The following IL1RAPL2 variants were observed in gnomAD, a reference collection of about 807,000 sequenced individuals.
IL1RAPL2 encodes the protein interleukin 1 receptor accessory protein like 2.
IL1RAPL2 carries 3 observed loss-of-function variants against 44.1 expected under a neutral mutation model. The observed-to-expected ratio is 0.07, with a 90% CI of 0.03 to 0.18. IL1RAPL2 has a LOEUF of 0.18. IL1RAPL2 is among the 10% of genes least tolerant of loss of function. IL1RAPL2 has a pLI of 1.00. For synonymous variants in IL1RAPL2, 181 were observed against 178.8 expected, an observed-to-expected ratio of 1.01 and a Z score of -0.10; for missense variants, 391 against 496.4, an observed-to-expected ratio of 0.79 and a Z score of 2.02.
chrX:104,585,917 G>T (rs1367299764), intron 1 of IL1RAPL2, among the ~76,000 whole-genome samples: 1 of 111,102 alleles, frequency 9.0e-6, no homozygotes, highest in Non-Finnish European at 1.9e-5. Context: ...GTATGAATGT[G>T]CCTTTGTGAT....
intron 10 of IL1RAPL2, among the ~76,000 whole-genome samples, chrX:105,757,933 AT>A (rs2038653636): frequency 9.0e-6 from 1 of 111,727 alleles, no homozygotes; most frequent in African/African-American, 3.3e-5. Context: ...TATATGAATA[AT>A]ATACTTGATT....
rs183985805 is a variant in IL1RAPL2, at chrX:105,556,345, C to T, written c.772+71958C>T. 2.6e-3 allele frequency among the ~76,000 whole-genome samples: 286 copies of T among 111,814 alleles called. 3 individuals carry two copies. The highest frequency in any genetic ancestry group is 0.024 in the Admixed American group (247 of 10,496). On this transcript the variant is annotated intron_variant, in intron 6 of 10. Coordinates refer to ENST00000372582, the MANE Select transcript of IL1RAPL2 (RefSeq NM_017416.2). ...ACCACCATTTAATGTTATTTTCCCACAGGGAAACTGAGATCCAAGAAATAA... is the reference window on the plus strand; with the variant it reads ...ACCACCATTTAATGTTATTTTCCCATAGGGAAACTGAGATCCAAGAAATAA...
intron 6 of IL1RAPL2, among the ~76,000 whole-genome samples, chrX:105,594,686 T>C (rs1353098366): frequency 8.9e-6 from 1 of 112,078 alleles, no homozygotes; most frequent in African/African-American, 3.2e-5. Context: ...TAGGTGTCCA[T>C]TGACAGTGAA....
intron 2 of IL1RAPL2, among the ~76,000 whole-genome samples, chrX:104,878,405 A>G (rs1299700093): frequency 8.9e-6 from 1 of 112,059 alleles, no homozygotes; most frequent in Non-Finnish European, 1.9e-5. Context: ...CAACAACCCA[A>G]TAAGGTATGT....
At chrX:105,501,624 AAACAAC>A (rs892283328) in intron 6 of IL1RAPL2, among the ~76,000 whole-genome samples, 14 of 110,580 alleles carry the variant, frequency 1.3e-4, no homozygotes, top group East Asian at 5.7e-4. Flanking sequence ...ACCCTCTTTC[AAACAAC>A]AACAACAACA....
intron 2 of IL1RAPL2, among the ~76,000 whole-genome samples, chrX:105,194,144 AG>A (rs2033655653): frequency 8.9e-6 from 1 of 112,266 alleles, no homozygotes; most frequent in Non-Finnish European, 1.9e-5. Flanking sequence ...CTTGAACCCT[AG>A]TTCAATAATC....
At chrX:105,419,394 C>T (rs1368180663) in intron 5 of IL1RAPL2, among the ~76,000 whole-genome samples, 1 of 111,636 alleles carries the variant, frequency 9.0e-6, no homozygotes, top group Non-Finnish European at 1.9e-5. Flanking sequence ...GTATATTTTA[C>T]AGTCACCACA....
intron 5 of IL1RAPL2, among the ~76,000 whole-genome samples, chrX:105,323,859 G>A (rs1464881694): frequency 1.9e-5 from 2 of 105,633 alleles, no homozygotes; most frequent in Non-Finnish European, 3.8e-5. Flanking sequence ...CTGGGCAACA[G>A]AGTGAGACTC....
At chrX:105,731,705 C>T (rs1480950426) in intron 7 of IL1RAPL2, among the ~76,000 whole-genome samples, 1 of 110,597 alleles carries the variant, frequency 9.0e-6, no homozygotes, top group Admixed American at 9.7e-5. Context: ...TGAAATAAGC[C>T]CTGTACTCAC....
At chrX:104,911,722 C>T (rs1447712634) in intron 2 of IL1RAPL2, among the ~76,000 whole-genome samples, 1 of 111,867 alleles carries the variant, frequency 8.9e-6, no homozygotes, top group Non-Finnish European at 1.9e-5. Context: ...CCCTGGTCTA[C>T]AAGTCCCTGC....
intron 5 of IL1RAPL2, among the ~76,000 whole-genome samples, chrX:105,473,572 C>T (rs1234080508): frequency 2.7e-5 from 3 of 112,250 alleles, no homozygotes; most frequent in African/African-American, 9.7e-5. Context: ...TTGTCATCCT[C>T]ATTACGGACT....
chrX:104,640,520 G>A (rs1203580887), intron 1 of IL1RAPL2, among the ~76,000 whole-genome samples: 1 of 111,847 alleles, frequency 8.9e-6, no homozygotes, highest in Non-Finnish European at 1.9e-5. Context: ...TGTTGCTGGA[G>A]AATAATTATG....
intron 2 of IL1RAPL2, among the ~76,000 whole-genome samples, chrX:104,948,255 G>T (rs902529634): frequency 1.0e-4 from 11 of 108,915 alleles, no homozygotes; most frequent in Admixed American, 4.0e-4. Flanking sequence ...TGTGATTTTT[G>T]CACATTGATT....
chrX:104,799,534 C>A (rs1286381599), intron 2 of IL1RAPL2, among the ~76,000 whole-genome samples: 1 of 111,648 alleles, frequency 9.0e-6, no homozygotes, highest in Non-Finnish European at 1.9e-5. Context: ...TTTCGAGAAC[C>A]ATTGATCTCC....
chrX:104,836,307 G>GT lies in IL1RAPL2; in HGVS notation c.82+177313dup, dbSNP rs938349325. ...TGGAGGAGATGGGGATGTTTAATGGGTAAAAAAAAACCCAGAAAGAGTGAA... is the reference window on the plus strand; with the variant it reads ...TGGAGGAGATGGGGATGTTTAATGGGTTAAAAAAAAACCCAGAAAGAGTGAA... On this transcript the variant is annotated intron_variant, in intron 2 of 10. Coordinates refer to ENST00000372582, the MANE Select transcript of IL1RAPL2 (RefSeq NM_017416.2). Among the ~76,000 whole-genome samples the GT allele has an allele frequency of 1.5e-3, 159 of 109,392 alleles. 1 individual carries two copies. Among genetic ancestry groups the GT allele is most frequent in the African/African-American group, 4.9e-3 (147 of 30,071 alleles). 95.0% of individuals were successfully genotyped at this position (109,392 alleles called of 115,157 possible).
chrX:104,958,450 G>T (rs1293639106), intron 2 of IL1RAPL2, among the ~76,000 whole-genome samples: 1 of 106,523 alleles, frequency 9.4e-6, no homozygotes, highest in Non-Finnish European at 1.9e-5. Context: ...TTTCTGGGTT[G>T]CTGCTTAGGT....
At chrX:104,819,548 A>T (rs1238822854) in intron 2 of IL1RAPL2, among the ~76,000 whole-genome samples, 1 of 111,931 alleles carries the variant, frequency 8.9e-6, no homozygotes, top group Non-Finnish European at 1.9e-5. Context: ...AAGATAAGGT[A>T]CTTTTATTTT....
intron 2 of IL1RAPL2, among the ~76,000 whole-genome samples, chrX:105,161,642 A>T (rs752872620): frequency 8.9e-6 from 1 of 111,930 alleles, no homozygotes; most frequent in South Asian, 3.7e-4. Flanking sequence ...AATCTGCAGT[A>T]TAAAATCATT....
At chrX:105,440,190 A>T (rs1465036424) in intron 5 of IL1RAPL2, among the ~76,000 whole-genome samples, 1 of 112,021 alleles carries the variant, frequency 8.9e-6, no homozygotes, top group African/African-American at 3.2e-5. Flanking sequence ...GAGATGTTTG[A>T]CTTAGTGACA....
Sources: gnomAD v4.1 joint callset for allele counts (sites outside exome capture counted in the v4.1 genomes callset) on GRCh38, gnomAD v4.1.1 for gene constraint, MANE v1.5 for transcripts, NCBI Gene and HGNC (gene_info 2026-07-23, HGNC 2026-07-21) for gene names.